Variants in KCNJ3 observed in about 807,000 individuals in gnomAD.
KCNJ3 encodes the protein potassium inwardly rectifying channel subfamily J member 3, also known as G protein-activated inward rectifier potassium channel 1.
KCNJ3 carries 4 observed loss-of-function variants against 39.2 expected under a neutral mutation model. The ratio of observed to expected loss-of-function variants is 0.10; its 90% confidence interval spans 0.05 to 0.23. The LOEUF (loss-of-function observed/expected upper bound fraction) is 0.23. Ranked by LOEUF, KCNJ3 falls within the 10% of genes least tolerant of loss-of-function variation. The probability of loss-of-function intolerance (pLI) is 1.00; values close to 1 mark genes in which losing one functional copy is unlikely to be tolerated. For synonymous variants in KCNJ3, 230 were observed against 237.4 expected (o/e 0.97, Z 0.29); for missense variants, 276 against 634.9 (o/e 0.43, Z 6.08).
intron 2 of KCNJ3, among the ~76,000 whole-genome samples, chr2:154,723,591 A>G (rs1392428640): frequency 1.3e-5 from 2 of 151,142 alleles, no homozygotes; most frequent in African/African-American, 4.9e-5. Context: ...AATATACGTA[A>G]TATTGTCTTT....
chr2:154,807,665 C>T (rs1454629166), intron 2 of KCNJ3, among the ~76,000 whole-genome samples: 3 of 152,130 alleles, frequency 2.0e-5, no homozygotes, highest in Non-Finnish European at 2.9e-5. Flanking sequence ...GCTACAGGAG[C>T]TAGGGTTGCC....
chr2:154,754,035 C>G (rs1490650210), intron 2 of KCNJ3, among the ~76,000 whole-genome samples: 1 of 152,102 alleles, frequency 6.6e-6, no homozygotes, highest in Non-Finnish European at 1.5e-5. Context: ...TTTTCCACCA[C>G]TATTTTTTAA....
In KCNJ3 at chr2:154,856,736, C is replaced by A. The variant is rs1211022343; in HGVS notation, c.*1423C>A. On this transcript the variant is annotated 3_prime_UTR_variant, in exon 3 of 3. Coordinates refer to ENST00000295101, the MANE Select transcript of KCNJ3 (RefSeq NM_002239.4). ...GTACTGTTTTTTCTAATCCTGAAGT[C>A]TGATATTTATGACTCATTAGCAGGA... The A allele has an allele frequency of 6.6e-6, 1 of 152,118 alleles. No homozygotes were observed. Among genetic ancestry groups the A allele is most frequent in the Non-Finnish European group, 1.5e-5 (1 of 68,012 alleles). 9.4% of individuals were successfully genotyped at this position (152,118 alleles called of 1,614,324 possible). A position where few individuals can be genotyped will look rare whatever the true frequency, so the allele number is the denominator to read the frequency against.
At chr2:154,756,551 T>A (rs907152297) in intron 2 of KCNJ3, among the ~76,000 whole-genome samples, 2 of 149,166 alleles carry the variant, frequency 1.3e-5, no homozygotes, top group African/African-American at 2.5e-5. Flanking sequence ...CCCTGATGTG[T>A]GATGTTCCCC....
At chr2:154,796,390 T>C (rs958626247) in intron 2 of KCNJ3, among the ~76,000 whole-genome samples, 3 of 152,192 alleles carry the variant, frequency 2.0e-5, no homozygotes, top group African/African-American at 7.2e-5. Flanking sequence ...ATTGAAGTAT[T>C]CCAATTTCCT....
chr2:154,735,464 TG>T lies in KCNJ3; in HGVS notation c.919+25647del, dbSNP rs1458176047. On this transcript the variant is annotated intron_variant, in intron 2 of 2. Transcript: ENST00000295101. ...CCTGTTAATGTAAACCTCCTGAGAT[TG>T]GAAGACAATCAGTTTTACAGGGTAA... 2.0e-5 allele frequency among the ~76,000 whole-genome samples: 3 copies of T among 152,140 alleles called. No individual in the cohort carries two copies. The East Asian group carries it at 5.8e-4, about 29-fold the overall frequency.
chr2:154,777,042 G>GC (rs139699959), intron 2 of KCNJ3, among the ~76,000 whole-genome samples: 1 of 150,126 alleles, frequency 6.7e-6, no homozygotes, highest in Non-Finnish European at 1.5e-5. Context: ...ACGTACACAC[G>GC]CACACACACA....
chr2:154,712,617 C>T (rs1349193772), intron 2 of KCNJ3, among the ~76,000 whole-genome samples: 1 of 151,990 alleles, frequency 6.6e-6, no homozygotes, highest in East Asian at 1.9e-4. Context: ...TTTCTTTCCT[C>T]AGGGGGGTTA....
At chr2:154,817,935 A>G (rs1030564944) in intron 2 of KCNJ3, among the ~76,000 whole-genome samples, 22 of 150,464 alleles carry the variant, frequency 1.5e-4, no homozygotes, top group African/African-American at 5.3e-4. Flanking sequence ...CAACGATGTC[A>G]TATTTATTAA....
chr2:154,701,826 G>A (rs1290838733), intron 1 of KCNJ3, among the ~76,000 whole-genome samples: 1 of 152,036 alleles, frequency 6.6e-6, no homozygotes, highest in African/African-American at 2.4e-5. Flanking sequence ...CCATGGCGAA[G>A]GGAGAGAGTT....
chr2:154,715,674 T>C (rs1460176432), intron 2 of KCNJ3, among the ~76,000 whole-genome samples: 1 of 152,236 alleles, frequency 6.6e-6, no homozygotes, highest in Non-Finnish European at 1.5e-5. Flanking sequence ...GTGCTTATAT[T>C]CAGATATATT....
chr2:154,809,643 G>A (rs574148446), intron 2 of KCNJ3, among the ~76,000 whole-genome samples: 1 of 152,120 alleles, frequency 6.6e-6, no homozygotes, highest in Non-Finnish European at 1.5e-5. Context: ...TAGGCAGAAA[G>A]GTCCATTGTC....
rs572609349 is a variant in KCNJ3 at position 154,820,059 on chromosome 2, T to TTAAC, written c.920-34667_920-34664dup. Among the ~76,000 whole-genome samples, 10 of 152,244 alleles carry TTAAC rather than the reference T, an allele frequency of 6.6e-5. 1 individual carries two copies. In the South Asian group the frequency reaches 1.0e-3, roughly 16 times the overall value. Reference sequence around the variant, plus strand: ...ACTCTTCCCTCAGCTTCCCCTAGTATTAACATCTTACATAGCCATAGTGCA... The same window carrying TTAAC: ...ACTCTTCCCTCAGCTTCCCCTAGTATTAACTAACATCTTACATAGCCATAGTGCA... On this transcript the variant is annotated intron_variant, in intron 2 of 2. Transcript: ENST00000295101.
intron 2 of KCNJ3, among the ~76,000 whole-genome samples, chr2:154,836,082 C>T (rs899810349): frequency 1.3e-5 from 2 of 151,840 alleles, no homozygotes; most frequent in African/African-American, 4.8e-5. Flanking sequence ...TGGTGGCATG[C>T]GCCTGTAGTC....
chr2:154,730,526 A>G (rs1685432070), intron 2 of KCNJ3, among the ~76,000 whole-genome samples: 1 of 152,180 alleles, frequency 6.6e-6, no homozygotes, highest in Non-Finnish European at 1.5e-5. Flanking sequence ...CTTAAGTAGG[A>G]AAAATTGTGG....
At chr2:154,721,649 T>A (rs576132868) in intron 2 of KCNJ3, among the ~76,000 whole-genome samples, 19 of 152,168 alleles carry the variant, frequency 1.2e-4, no homozygotes, top group African/African-American at 4.6e-4. Context: ...CAGAAAAGGA[T>A]AAGAGTTGGA....
intron 2 of KCNJ3, among the ~76,000 whole-genome samples, chr2:154,847,130 G>A (rs1469352396): frequency 6.6e-6 from 1 of 152,094 alleles, no homozygotes; most frequent in Non-Finnish European, 1.5e-5. Flanking sequence ...AGCAATTTAT[G>A]TATTCTTAAT....
rs1393642392 is a variant in KCNJ3, at chr2:154,825,955, AG to A, written c.920-28769del. Among the ~76,000 whole-genome samples, 5 of 151,934 alleles carry A rather than the reference AG, an allele frequency of 3.3e-5. No homozygotes were observed. The East Asian group carries it at 9.7e-4, about 29-fold the overall frequency. ...TGCAATCACATTCCACCCAGGATAC[AG>A]GGCTGTGATAGAAGTGTTAATAGTC... is the stretch of plus-strand genomic sequence containing the variant. On this transcript the variant is annotated intron_variant, in intron 2 of 2. Coordinates refer to ENST00000295101, the MANE Select transcript of KCNJ3 (RefSeq NM_002239.4).
intron 2 of KCNJ3, among the ~76,000 whole-genome samples, chr2:154,725,234 GTTTT>G (rs35296161): frequency 7.1e-6 from 1 of 141,618 alleles, no homozygotes. Flanking sequence ...GTTATGTTCT[GTTTT>G]TTTTTTTTCT....
Sources: gnomAD v4.1 joint callset for allele counts (sites outside exome capture counted in the v4.1 genomes callset) on GRCh38, gnomAD v4.1.1 for gene constraint, MANE v1.5 for transcripts, NCBI Gene and HGNC (gene_info 2026-07-23, HGNC 2026-07-21) for gene names.